KCNK10: variants seen among roughly 807,000 people sequenced by gnomAD.
KCNK10 encodes the protein potassium channel subfamily K member 10.
A neutral mutation model predicts 47.7 loss-of-function variants in KCNK10; 25 were observed. The ratio of observed to expected loss-of-function variants is 0.52; its 90% CI spans 0.38 to 0.73. The LOEUF (loss-of-function observed/expected upper bound fraction) is 0.73, where lower values mean the gene tolerates loss of function less well. Ranked by LOEUF, KCNK10 falls within the 30% of genes least tolerant of loss-of-function variation. The pLI, the probability that KCNK10 is intolerant of heterozygous loss-of-function variation, is 0.00. For missense variants in KCNK10, 563 were observed against 714.5 expected, an observed-to-expected ratio of 0.79 and a Z score of 2.42; for synonymous variants, 303 against 285.6, an observed-to-expected ratio of 1.06 and a Z score of -0.61.
At chr14:88,209,956 A>G (rs1342450237) in intron 4 of KCNK10, among the ~76,000 whole-genome samples, 1 of 152,262 alleles carries the variant, frequency 6.6e-6, no homozygotes, top group Non-Finnish European at 1.5e-5. Flanking sequence ...CTTGAGCAGA[A>G]CAATCCATTG....
At chr14:88,190,607 C>A (rs1884712561) in intron 5 of KCNK10, among the ~76,000 whole-genome samples, 1 of 151,978 alleles carries the variant, frequency 6.6e-6, no homozygotes, top group Non-Finnish European at 1.5e-5. Context: ...TTTTTAGTCA[C>A]ACTGACTAAA....
At chr14:88,250,683 C>T (rs1886769127) in intron 2 of KCNK10, among the ~76,000 whole-genome samples, 2 of 152,182 alleles carry the variant, frequency 1.3e-5, no homozygotes, top group African/African-American at 4.8e-5. Context: ...GCTTCGACGG[C>T]TATAGATACC....
chr14:88,213,921 T>A (rs928776528), intron 4 of KCNK10, among the ~76,000 whole-genome samples: 1 of 126,410 alleles, frequency 7.9e-6, no homozygotes, highest in African/African-American at 2.7e-5. Context: ...TTTATTTTAC[T>A]TTATTATTAT....
At chr14:88,290,161 T>G (rs1887845975) in intron 1 of KCNK10, among the ~76,000 whole-genome samples, 1 of 152,140 alleles carries the variant, frequency 6.6e-6, no homozygotes, top group Admixed American at 6.5e-5. Context: ...GAGATGATCC[T>G]GGATTATCTG....
At chr14:88,252,880 A>C (rs1308201238) in intron 2 of KCNK10, among the ~76,000 whole-genome samples, 1 of 152,198 alleles carries the variant, frequency 6.6e-6, no homozygotes, top group Non-Finnish European at 1.5e-5. Context: ...ACTGTCACAA[A>C]GGAGCCTGCT....
At chr14:88,314,145 C>T (rs569726769) in intron 1 of KCNK10, among the ~76,000 whole-genome samples, 104 of 152,254 alleles carry the variant, frequency 6.8e-4, no homozygotes, top group African/African-American at 2.5e-3. Context: ...AATGTGTCCC[C>T]CCAGAATTCA....
chr14:88,323,904 C>T (rs1015383026), upstream of KCNK10, among the ~76,000 whole-genome samples: 3 of 152,180 alleles, frequency 2.0e-5, no homozygotes, highest in Non-Finnish European at 4.4e-5. Context: ...CCCACGTCCC[C>T]GCCGCACTCC....
intron 1 of KCNK10, among the ~76,000 whole-genome samples, chr14:88,305,816 T>G (rs1888192725): frequency 6.6e-6 from 1 of 152,224 alleles, no homozygotes; most frequent in Non-Finnish European, 1.5e-5. Context: ...AGTTTCTAAC[T>G]AGCTACTGCT....
At position 88,186,289 on chromosome 14, in the gene KCNK10, A is replaced by G. The variant is rs1283732426; in HGVS notation, c.1012-134T>C. 1.9e-6 allele frequency: 2 copies of G among 1,063,984 alleles called. No individual in the cohort carries two copies. Among genetic ancestry groups the G allele is most frequent in the African/African-American group, 3.2e-5 (2 of 62,552 alleles). 65.9% of individuals were successfully genotyped at this position (1,063,984 alleles called of 1,614,324 possible). A position where few individuals can be genotyped will look rare whatever the true frequency, so the allele number is the denominator to read the frequency against. On this transcript the variant is annotated intron_variant, in intron 6 of 6. Transcript: ENST00000319231. This position sits in a 1 kb window ranked among gnomAD's most constrained non-coding sequence, Gnocchi z 5.5. ...GAGCACATGCCCAGGGGGAGGTGCA[A>G]ATGCTACCTTCTGCCCTAGTACTTC...
intron 2 of KCNK10, among the ~76,000 whole-genome samples, chr14:88,255,573 T>G (rs913132287): frequency 6.6e-6 from 1 of 150,978 alleles, no homozygotes; most frequent in African/African-American, 2.4e-5. Flanking sequence ...TCTGGTGGTA[T>G]CCACCTGTAG....
At position 88,197,859 on chromosome 14, in the gene KCNK10, G is replaced by GGAGAGAGAGAGAGA. The variant is rs71126969; in HGVS notation, c.682-5463_682-5450dup. Among the ~76,000 whole-genome samples, 302 of 125,404 alleles carry GGAGAGAGAGAGAGA rather than the reference G, an allele frequency of 2.4e-3. 5 individuals carry two copies. The highest frequency in any genetic ancestry group is 9.5e-3 in the African/African-American group (287 of 30,274). The allele number at this position is 125,404 out of a possible 152,430, so 82.3% of individuals were successfully genotyped here. The stretch of plus-strand genomic sequence containing the variant: ...AAACAGAAGGAAGGAAGGAGGGAAG[G>GGAGAGAGAGAGAGA]GAGAGAGAGAGAGAGAGAGAGAGAG... On this transcript the variant is annotated intron_variant, in intron 4 of 6. Transcript: ENST00000319231.
intron 3 of KCNK10, among the ~76,000 whole-genome samples, chr14:88,232,044 T>C (rs1886173781): frequency 6.6e-6 from 1 of 152,176 alleles, no homozygotes; most frequent in African/African-American, 2.4e-5. Flanking sequence ...GGCAAGCCTT[T>C]CATTTCCTTT....
At chr14:88,270,847 CCT>C (rs1887390564) in intron 1 of KCNK10, 1 of 780,654 alleles carries the variant, frequency 1.3e-6, no homozygotes, top group Admixed American at 1.7e-5. Flanking sequence ...TCACATGGAC[CCT>C]TGCTAACAAT....
At chr14:88,318,657 T>A (rs771476030) in intron 1 of KCNK10, among the ~76,000 whole-genome samples, 1 of 152,092 alleles carries the variant, frequency 6.6e-6, no homozygotes, top group Non-Finnish European at 1.5e-5. Context: ...GCAAGTGTGA[T>A]CTATTTGAGG....
chr14:88,210,598 G>GCT (rs775272221), intron 4 of KCNK10, among the ~76,000 whole-genome samples: 19 of 152,152 alleles, frequency 1.2e-4, no homozygotes, highest in Non-Finnish European at 1.6e-4. Context: ...CACCAGCTCT[G>GCT]CGCACAGGGC....
intron 1 of KCNK10, among the ~76,000 whole-genome samples, chr14:88,306,287 C>T (rs964140619): frequency 6.6e-6 from 1 of 152,164 alleles, no homozygotes; most frequent in Non-Finnish European, 1.5e-5. Flanking sequence ...TTATCTGATT[C>T]AGGGGCCAAT....
intron 3 of KCNK10, chr14:88,235,263 G>A (rs1031318492): frequency 2.2e-6 from 1 of 456,404 alleles, no homozygotes; most frequent in Non-Finnish European, 4.4e-6. Context: ...GCTGGTCCAG[G>A]AATATCCAGT....
chr14:88,265,733 A>G (rs1455235339), intron 1 of KCNK10, among the ~76,000 whole-genome samples: 2 of 152,132 alleles, frequency 1.3e-5, no homozygotes, highest in Admixed American at 1.3e-4. Flanking sequence ...AGGTAATTGA[A>G]GCATGGGGGC....
intron 4 of KCNK10, among the ~76,000 whole-genome samples, chr14:88,222,118 C>T (rs934189230): frequency 5.3e-5 from 8 of 152,114 alleles, no homozygotes; most frequent in Non-Finnish European, 7.4e-5. Context: ...GTATTTCTTA[C>T]ATGGTGGCAG....
Sources: gnomAD v4.1 joint callset for allele counts (sites outside exome capture counted in the v4.1 genomes callset) on GRCh38, gnomAD v4.1.1 for gene constraint, Gnocchi (gnomAD v3.1) non-coding constraint, MANE v1.5 for transcripts, NCBI Gene and HGNC (gene_info 2026-07-23, HGNC 2026-07-21) for gene names.